Variants in TULP3 observed in about 807,000 individuals in gnomAD.
TULP3 encodes the protein TUB like protein 3.
A neutral mutation model predicts 50.7 loss-of-function variants in TULP3; 38 were observed. The observed-to-expected ratio is 0.75, with a 90% CI of 0.58 to 0.98. The LOEUF is 0.98. Among genes scored for constraint, TULP3 ranks in the 50% least tolerant of loss-of-function variants. The pLI is 0.00. For synonymous variants in TULP3, 183 were observed against 196.6 expected (o/e 0.93, Z 0.58); for missense variants, 550 against 568.0 (o/e 0.97, Z 0.32).
rs2098204469 is a variant in TULP3, at chr12:2,940,923, ACCC to A, written c.*1480_*1482del. On this transcript the variant is annotated 3_prime_UTR_variant, in exon 11 of 11. Transcript: ENST00000448120. ...ATCCTGAGGCACTGCCTGGCAGATA[ACCC>A]TGGTTGGCCACAGAAGCTATTAATA... 6 of 576,832 alleles carry A rather than the reference ACCC, an allele frequency of 1.0e-5. No individual in the cohort carries two copies. In the Admixed American group the frequency reaches 2.0e-4, roughly 19 times the overall value. 35.7% of individuals were successfully genotyped at this position (576,832 alleles called of 1,614,324 possible). A position where few individuals can be genotyped will look rare whatever the true frequency, so the allele number is the denominator to read the frequency against.
intron 1 of TULP3, among the ~76,000 whole-genome samples, chr12:2,895,506 A>G (rs775162411): frequency 6.6e-6 from 1 of 152,184 alleles, no homozygotes; most frequent in Non-Finnish European, 1.5e-5. Context: ...TTCAAGCCAG[A>G]TGTGTTCTTG....
intron 8 of TULP3, 141 bp downstream of exon 8, chr12:2,934,702 A>G (rs781615947): frequency 1.8e-5 from 9 of 488,654 alleles, no homozygotes; most frequent in Admixed American, 4.3e-5. Flanking sequence ...TTCTCCATGT[A>G]TTTGAGTTTT....
At chr12:2,892,902 A>T (rs2098173049) in intron 1 of TULP3, among the ~76,000 whole-genome samples, 1 of 142,176 alleles carries the variant, frequency 7.0e-6, no homozygotes, top group African/African-American at 2.7e-5. Flanking sequence ...ACAGGGTCTC[A>T]CTCTGTCGCC....
chr12:2,901,317 T>TTC, intron 1 of TULP3, among the ~76,000 whole-genome samples: 1 of 149,600 alleles, frequency 6.7e-6, no homozygotes, highest in East Asian at 2.0e-4. Flanking sequence ...TCTTTCTTTT[T>TTC]TTTTTTTTTT....
At chr12:2,934,272 TAAAAG>T (rs1352885606) in intron 7 of TULP3, among the ~76,000 whole-genome samples, 170 bp from the exon 8 acceptor site, 2 of 152,160 alleles carry the variant, frequency 1.3e-5, no homozygotes, top group Non-Finnish European at 2.9e-5. Context: ...AATAAAAAGT[TAAAAG>T]AAAATCTCAG....
chr12:2,895,371 A>AC (rs2098174951), intron 1 of TULP3, among the ~76,000 whole-genome samples: 1 of 152,202 alleles, frequency 6.6e-6, no homozygotes, highest in Non-Finnish European at 1.5e-5. Flanking sequence ...TCTTTCAAGT[A>AC]GAGGACAGCT....
intron 4 of TULP3, among the ~76,000 whole-genome samples, chr12:2,928,245 A>G (rs1968123): frequency 0.48 from 72,746 of 152,162 alleles, 17,867 homozygotes; most frequent in African/African-American, 0.6. Context: ...AGAAAATGCC[A>G]GGGGGCCAGC....
At chr12:2,903,973 G>A (rs974554870) in intron 1 of TULP3, among the ~76,000 whole-genome samples, 5 of 152,008 alleles carry the variant, frequency 3.3e-5, no homozygotes, top group Non-Finnish European at 7.4e-5. Flanking sequence ...TAGCAGAGAC[G>A]GGGTTTCACT....
chr12:2,894,336 G>A (rs902957513), intron 1 of TULP3, among the ~76,000 whole-genome samples: 13 of 151,336 alleles, frequency 8.6e-5, no homozygotes, highest in South Asian at 6.3e-4. Context: ...ACGAGTTCAA[G>A]ACCAGCCTGA....
chr12:2,905,788 G>A (rs1234891975), intron 1 of TULP3, among the ~76,000 whole-genome samples: 28 of 151,780 alleles, frequency 1.8e-4, no homozygotes, highest in Admixed American at 1.8e-3. Context: ...AGAAACGTTT[G>A]AAAACTTTAG....
At chr12:2,893,430 C>T (rs1392306853) in intron 1 of TULP3, among the ~76,000 whole-genome samples, 1 of 149,344 alleles carries the variant, frequency 6.7e-6, no homozygotes, top group Non-Finnish European at 1.5e-5. Flanking sequence ...CAGTGATTCT[C>T]CAGCCTCAGC....
At chr12:2,934,395 G>A in intron 7 of TULP3, 52 bp from the exon 8 acceptor site, 2 of 1,251,040 alleles carry the variant, frequency 1.6e-6, no homozygotes, top group Non-Finnish European at 2.2e-6. Flanking sequence ...GATTGTGTTT[G>A]TATAAGAAAA....
At chr12:2,937,561 A>C (rs1211956961) in intron 8 of TULP3, 70 bp from the exon 9 acceptor site, 1 of 1,078,420 alleles carries the variant, frequency 9.3e-7, no homozygotes, top group South Asian at 1.4e-5. Context: ...AGAAAGTCTC[A>C]TGTTATAAAA....
At chr12:2,896,097 T>C (rs1284653368) in intron 1 of TULP3, among the ~76,000 whole-genome samples, 4 of 152,118 alleles carry the variant, frequency 2.6e-5, no homozygotes, top group Admixed American at 2.6e-4. Context: ...TGCACCACCA[T>C]GCCCAGCTAA....
chr12:2,895,856 C>T (rs1476684638), intron 1 of TULP3, among the ~76,000 whole-genome samples: 1 of 152,070 alleles, frequency 6.6e-6, no homozygotes, highest in Non-Finnish European at 1.5e-5. Context: ...AGCTATACAG[C>T]CTGTTACTGT....
intron 1 of TULP3, among the ~76,000 whole-genome samples, chr12:2,904,125 A>G (rs1324033442): frequency 6.6e-6 from 1 of 152,194 alleles, no homozygotes; most frequent in Admixed American, 6.6e-5. Flanking sequence ...TATCAAAATC[A>G]GGAAATTAAT....
chr12:2,933,231 A>G lies in TULP3; in HGVS notation c.697-187A>G, dbSNP rs112448430. ...GCTGGGATTACAGGCGTGAGCCACC[A>G]CACCCTGCCTGATAGTGAATTCTGA... is the stretch of plus-strand genomic sequence containing the variant. On this transcript the variant is annotated intron_variant, in intron 6 of 10. Coordinates refer to ENST00000448120, the MANE Select transcript of TULP3 (RefSeq NM_003324.5). Among the ~76,000 whole-genome samples the G allele has an allele frequency of 2.7e-3, 411 of 152,188 alleles. 3 individuals are homozygous for G. Among genetic ancestry groups the G allele is most frequent in the African/African-American group, 8.8e-3 (365 of 41,528 alleles).
intron 3 of TULP3, among the ~76,000 whole-genome samples, chr12:2,921,995 A>C (rs11612237): frequency 0.016 from 2,453 of 152,184 alleles, 31 homozygotes; most frequent in Middle Eastern, 0.044. Flanking sequence ...AAGTGGGAGG[A>C]TCGTTTGAGC....
intron 4 of TULP3, among the ~76,000 whole-genome samples, chr12:2,927,142 T>C (rs1313644877): frequency 6.6e-6 from 1 of 152,150 alleles, no homozygotes; most frequent in Non-Finnish European, 1.5e-5. Context: ...TGTCTTTTTG[T>C]GTCTAGTGTT....
Sources: allele counts gnomAD v4.1 joint callset (sites outside exome capture counted in the v4.1 genomes callset), GRCh38; gene constraint gnomAD v4.1.1; transcripts MANE v1.5; gene names NCBI Gene and HGNC (gene_info 2026-07-23, HGNC 2026-07-21).